Variants in SNIP1 observed in about 807,000 individuals in gnomAD.
SNIP1 encodes the protein smad nuclear-interacting protein 1.
A neutral mutation model predicts 37.4 loss-of-function variants in SNIP1; 23 were observed. That is an observed-to-expected ratio of 0.61 (90% CI 0.44 to 0.87). SNIP1 has a LOEUF of 0.87. Among genes scored for constraint, SNIP1 ranks in the 40% least tolerant of loss-of-function variants. The pLI is 0.00. For missense variants in SNIP1, 459 were observed against 540.4 expected, an observed-to-expected ratio of 0.85 and a Z score of 1.49; for synonymous variants, 174 against 200.0, an observed-to-expected ratio of 0.87 and a Z score of 1.10.
chr1:37,539,398 G>A (rs941262589), intron 3 of SNIP1, among the ~76,000 whole-genome samples: 3 of 152,094 alleles, frequency 2.0e-5, no homozygotes, highest in Middle Eastern at 3.2e-3. Context: ...TCGAAGTCAG[G>A]AGACCATGTT....
rs1404305731 is a variant in SNIP1, at chr1:37,540,015, G to A, written c.926+142C>T. On this transcript the variant is annotated intron_variant, in intron 3 of 3. Coordinates refer to ENST00000296215, the MANE Select transcript of SNIP1 (RefSeq NM_024700.4). The surrounding 1 kb of genome is among the most constrained non-coding windows in gnomAD (Gnocchi z 5.6). ...ATAAATATGTAAGCAATTATTTAAA[G>A]GGCAGTTAGATTAACAATACTCTTT... The A allele has an allele frequency of 6.1e-6, 4 of 656,144 alleles. No homozygotes were observed. Among genetic ancestry groups the A allele is most frequent in the Non-Finnish European group, 1.0e-5 (4 of 387,838 alleles). 40.6% of individuals were successfully genotyped at this position (656,144 alleles called of 1,614,324 possible). A position where few individuals can be genotyped will look rare whatever the true frequency, so the allele number is the denominator to read the frequency against.
intron 1 of SNIP1, among the ~76,000 whole-genome samples, chr1:37,553,525 T>C (rs560538032): frequency 5.3e-4 from 80 of 152,318 alleles, no homozygotes; most frequent in Middle Eastern, 3.4e-3. Flanking sequence ...TAACACTTAA[T>C]AGGCACTCAG....
At chr1:37,538,528 AAG>A (rs1643128377) in intron 3 of SNIP1, among the ~76,000 whole-genome samples, 1 of 151,510 alleles carries the variant, frequency 6.6e-6, no homozygotes, top group Non-Finnish European at 1.5e-5. Context: ...AAAAAAAAAA[AAG>A]GTGAGAATGA....
intron 2 of SNIP1, chr1:37,549,098 A>AG (rs1643273788): frequency 9.6e-6 from 1 of 103,898 alleles, no homozygotes; most frequent in Non-Finnish European, 2.4e-5. Flanking sequence ...AAGTAATCTT[A>AG]AAAAAAAAAA....
chr1:37,550,434 G>A (rs145345761), intron 2 of SNIP1, among the ~76,000 whole-genome samples: 1 of 152,330 alleles, frequency 6.6e-6, no homozygotes, highest in Non-Finnish European at 1.5e-5. Flanking sequence ...GCTGGGCATG[G>A]TGGCTCACTT....
Position 37,554,144 on chromosome 1 carries a change from A to G in SNIP1, c.86T>C (p.Val29Ala). 1 of 1,612,030 alleles carries G rather than the reference A, an allele frequency of 6.2e-7. No homozygotes were observed. Among genetic ancestry groups the G allele is most frequent in the South Asian group, 1.1e-5 (1 of 90,990 alleles). The change falls in exon 1 of 4, where the codon GTG becomes GCG. Residue 29 changes from valine (V) to alanine (A), a missense_variant. Transcript: ENST00000296215. ...GDVVLPAGVVVKQERLSPEVA... is the reference protein window; with the variant it reads ...GDVVLPAGVVAKQERLSPEVA... ...TTCTGGGCTGAGACGCTCCTGCTTC[A>G]CCACCACCCCCGCCGGCAGCACCAC... is the stretch of plus-strand genomic sequence containing the variant.
chr1:37,541,366 A>G (rs926978978), intron 2 of SNIP1: 1 of 152,258 alleles, frequency 6.6e-6, no homozygotes, highest in African/African-American at 2.4e-5. Context: ...AAAGATAGCA[A>G]TGAAAATCAG....
At chr1:37,547,391 A>G (rs1274015374) in intron 2 of SNIP1, among the ~76,000 whole-genome samples, 1 of 152,154 alleles carries the variant, frequency 6.6e-6, no homozygotes, top group Non-Finnish European at 1.5e-5. Context: ...TATATTTTAC[A>G]TACCTCTGTA....
rs72027037 is a variant in SNIP1 at position 37,535,064 on chromosome 1, CA to C, written c.*2683del. 9.4e-3 allele frequency: 879 copies of C among 93,194 alleles called. 2 individuals are homozygous for C. The highest frequency in any genetic ancestry group is 1.0e-2 in the Non-Finnish European group (445 of 44,608). The allele number at this position is 93,194 out of a possible 1,614,324, so 5.8% of individuals were successfully genotyped here. A position where few individuals can be genotyped will look rare whatever the true frequency, so the allele number is the denominator to read the frequency against. On this transcript the variant is annotated 3_prime_UTR_variant, in exon 4 of 4. Coordinates refer to ENST00000296215, the MANE Select transcript of SNIP1 (RefSeq NM_024700.4). ...AGAAAGGGGTAAGGGAAAACAAGACCAAAAAAAAAAAAAAACACCTTCTCAG... is the reference window on the plus strand; with the variant it reads ...AGAAAGGGGTAAGGGAAAACAAGACCAAAAAAAAAAAAAACACCTTCTCAG...
chr1:37,535,930 T>C lies in SNIP1; in HGVS notation c.*1818A>G, dbSNP rs2148110721. The stretch of plus-strand genomic sequence containing the variant: ...TTCAAGCGATTCTCCTGCCTCAGCC[T>C]CCCGAGTAGCTGGGATTAAAACAGG... On this transcript the variant is annotated 3_prime_UTR_variant, in exon 4 of 4. Transcript: ENST00000296215. The C allele has an allele frequency of 6.6e-6, 1 of 152,148 alleles. No individual in the cohort carries two copies. Among genetic ancestry groups the C allele is most frequent in the African/African-American group, 2.4e-5 (1 of 41,444 alleles). The allele number at this position is 152,148 out of a possible 1,614,324, so 9.4% of individuals were successfully genotyped here. A position where few individuals can be genotyped will look rare whatever the true frequency, so the allele number is the denominator to read the frequency against.
intron 2 of SNIP1, among the ~76,000 whole-genome samples, chr1:37,541,973 C>T (rs371567151): frequency 6.6e-6 from 1 of 152,132 alleles, no homozygotes; most frequent in African/African-American, 2.4e-5. Flanking sequence ...TTCTTACTAT[C>T]GATCTTAGCA....
intron 3 of SNIP1, among the ~76,000 whole-genome samples, chr1:37,539,336 G>A (rs1260382325): frequency 6.6e-6 from 1 of 152,126 alleles, no homozygotes; most frequent in East Asian, 1.9e-4. Flanking sequence ...ACTTGGTTTT[G>A]CTGGGCTTCA....
At chr1:37,543,199 A>G (rs759689017) in intron 2 of SNIP1, among the ~76,000 whole-genome samples, 11 of 152,210 alleles carry the variant, frequency 7.2e-5, no homozygotes, top group Non-Finnish European at 1.5e-4. Flanking sequence ...ATCTAGAGTC[A>G]AAAAAGAAGG....
At chr1:37,551,976 G>C (rs1439261987) in intron 2 of SNIP1, among the ~76,000 whole-genome samples, 2 of 152,098 alleles carry the variant, frequency 1.3e-5, no homozygotes, top group African/African-American at 4.8e-5. Flanking sequence ...GCCAAAAAAT[G>C]GAAACAACCC....
At chr1:37,545,959 A>G (rs1643231107) in intron 2 of SNIP1, among the ~76,000 whole-genome samples, 1 of 152,196 alleles carries the variant, frequency 6.6e-6, no homozygotes, top group Non-Finnish European at 1.5e-5. Context: ...AAAATGGTAT[A>G]GTTAGTGCGG....
intron 1 of SNIP1, among the ~76,000 whole-genome samples, chr1:37,553,226 A>G (rs890625308): frequency 6.6e-6 from 1 of 152,046 alleles, no homozygotes; most frequent in African/African-American, 2.4e-5. Context: ...ATTCTACTTC[A>G]GGTTCTTTGC....
intron 3 of SNIP1, among the ~76,000 whole-genome samples, chr1:37,538,920 T>C (rs1438019224): frequency 1.3e-5 from 2 of 152,136 alleles, no homozygotes; most frequent in African/African-American, 2.4e-5. Flanking sequence ...TGAATTATCA[T>C]TGCCTGAGCT....
intron 2 of SNIP1, chr1:37,552,382 G>A: frequency 2.4e-6 from 1 of 417,682 alleles, no homozygotes; most frequent in East Asian, 4.6e-5. Context: ...GAGAAACCAG[G>A]AAGAGTATAT....
rs766469835 is a variant in SNIP1, at chr1:37,540,209, T to C, written c.874A>G (p.Ile292Val). Reference sequence around the variant, plus strand: ...GAACAAGACGGGTGATCAATTGGAATGTCTGCAATGCGGCGGTGTCGACCC... The same window carrying C: ...GAACAAGACGGGTGATCAATTGGAACGTCTGCAATGCGGCGGTGTCGACCC... The part of the protein sequence containing the change: ...LLGRHRRIAD[I>V]PIDHPSCSKQ... Residue 292 changes from isoleucine to valine, a missense_variant, in exon 3 of 4, where the codon ATT becomes GTT. By Grantham distance (29) the Ile-to-Val change is conservative. Transcript: ENST00000296215. The surrounding 1 kb of genome is among the most constrained non-coding windows in gnomAD (Gnocchi z 5.6). 1 of 1,608,552 alleles carries C rather than the reference T, an allele frequency of 6.2e-7. No homozygotes were observed. The highest frequency in any genetic ancestry group is 1.1e-5 in the South Asian group (1 of 90,988).
Sources: allele counts gnomAD v4.1 joint callset (sites outside exome capture counted in the v4.1 genomes callset), GRCh38; gene constraint gnomAD v4.1.1; non-coding constraint Gnocchi (gnomAD v3.1); transcripts MANE v1.5; gene names NCBI Gene and HGNC (gene_info 2026-07-23, HGNC 2026-07-21).